Variants in KIRREL3 observed in about 807,000 individuals in gnomAD.
The protein encoded by KIRREL3 is kirre like nephrin family adhesion molecule 3.
In KIRREL3, 36 loss-of-function variants were observed where a neutral mutation model predicts 89.7. That is an observed-to-expected ratio of 0.40 (90% CI 0.31 to 0.53). The LOEUF (loss-of-function observed/expected upper bound fraction) is 0.53, where lower values mean the gene tolerates loss of function less well. Among genes scored for constraint, KIRREL3 ranks in the 20% least tolerant of loss-of-function variants. The pLI, the probability that KIRREL3 is intolerant of heterozygous loss-of-function variation, is 0.49. For missense variants in KIRREL3, 864 were observed against 1,056.6 expected (o/e 0.82, Z 2.53); for synonymous variants, 445 against 441.4 (o/e 1.01, Z -0.10).
chr11:126,813,940 G>T (rs540369842), intron 1 of KIRREL3, among the ~76,000 whole-genome samples: 119 of 152,260 alleles, frequency 7.8e-4, no homozygotes, highest in Admixed American at 2.3e-3. Context: ...AAGAGCTTCT[G>T]TACAGCGAAA....
At chr11:126,822,385 G>A (rs991817367) in intron 1 of KIRREL3, among the ~76,000 whole-genome samples, 4 of 152,168 alleles carry the variant, frequency 2.6e-5, no homozygotes, top group Non-Finnish European at 5.9e-5. Context: ...GAGTGCTCTA[G>A]AACTTCTAAT....
intron 1 of KIRREL3, among the ~76,000 whole-genome samples, chr11:126,823,358 A>T (rs867397705): frequency 6.6e-6 from 1 of 152,218 alleles, no homozygotes; most frequent in South Asian, 2.1e-4. Flanking sequence ...TTTGCTTTTC[A>T]TTACAGGCTC....
rs776558177 is a variant in KIRREL3, at chr11:126,455,849, G to A, written c.848+500C>T. On this transcript the variant is annotated intron_variant, in intron 7 of 16. Coordinates refer to ENST00000525144, the MANE Select transcript of KIRREL3 (RefSeq NM_032531.4). The surrounding 1 kb of genome is among the most constrained non-coding windows in gnomAD (Gnocchi z 6.4). ...ACAAACCAACAAACCAAACAGTGGT[G>A]CTTTTATCCGTGTTGTGAGCAAGAG... is the stretch of plus-strand genomic sequence containing the variant. Among the ~76,000 whole-genome samples the A allele has an allele frequency of 2.0e-5, 3 of 151,744 alleles. No homozygotes were observed. Among genetic ancestry groups the A allele is most frequent in the South Asian group, 2.1e-4 (1 of 4,812 alleles).
At chr11:126,895,172 CAAG>C (rs1229297342) in intron 1 of KIRREL3, among the ~76,000 whole-genome samples, 3 of 152,026 alleles carry the variant, frequency 2.0e-5, no homozygotes, top group Non-Finnish European at 4.4e-5. Context: ...CTTGTGAAAG[CAAG>C]AAGAAGGCCG....
At chr11:126,499,915 A>T (rs993679566) in intron 4 of KIRREL3, among the ~76,000 whole-genome samples, 1 of 152,174 alleles carries the variant, frequency 6.6e-6, no homozygotes, top group African/African-American at 2.4e-5. Context: ...CTTTGGCAGT[A>T]AACTCCTTGA....
Position 126,668,693 on chromosome 11 carries a change from T to TTTTCTTTCTTTCTTTC in KIRREL3, c.56-105797_56-105782dup, listed in dbSNP as rs57753203. 2.2e-3 allele frequency among the ~76,000 whole-genome samples: 278 copies of TTTTCTTTCTTTCTTTC among 126,710 alleles called. 6 individuals carry two copies. The highest frequency in any genetic ancestry group is 0.012 in the Middle Eastern group (3 of 260). The allele number at this position is 126,710 out of a possible 152,430, so 83.1% of individuals were successfully genotyped here. On this transcript the variant is annotated intron_variant, in intron 1 of 16. Coordinates refer to ENST00000525144, the MANE Select transcript of KIRREL3 (RefSeq NM_032531.4). The surrounding 1 kb of genome is among the most constrained non-coding windows in gnomAD (Gnocchi z 4.4). Reference sequence around the variant, plus strand: ...TAAAGAGCTGTTGGGAAGTTTCTGTTTTTCTTTCTTTCTTTCTTTCTTTCT... The same window carrying TTTTCTTTCTTTCTTTC: ...TAAAGAGCTGTTGGGAAGTTTCTGTTTTTCTTTCTTTCTTTCTTTCTTTCTTTCTTTCTTTCTTTCT...
chr11:126,516,806 T>G lies in KIRREL3; in HGVS notation c.433+4509A>C, dbSNP rs1324139228. Among the ~76,000 whole-genome samples the G allele has an allele frequency of 2.0e-5, 3 of 152,136 alleles. No individual in the cohort carries two copies. The highest frequency in any genetic ancestry group is 2.0e-4 in the Admixed American group (3 of 15,276). Reference sequence around the variant, plus strand: ...TCTGCATGTATATGTGTACACAACTTTAAAATACAGGCGGGGTGGCTCACG... The same window carrying G: ...TCTGCATGTATATGTGTACACAACTGTAAAATACAGGCGGGGTGGCTCACG... On this transcript the variant is annotated intron_variant, in intron 4 of 16. Transcript: ENST00000525144. The surrounding 1 kb of genome is among the most constrained non-coding windows in gnomAD (Gnocchi z 4.9).
At chr11:126,440,197 TGGTCA>T in intron 11 of KIRREL3, 1 of 683,630 alleles carries the variant, frequency 1.5e-6, no homozygotes, top group Non-Finnish European at 2.7e-6. Flanking sequence ...ATGCGGAATT[TGGTCA>T]GAGCCGTTCA....
At position 126,575,506 on chromosome 11, in the gene KIRREL3, A is replaced by G. The variant is rs1941209411; in HGVS notation, c.56-12594T>C. 6.6e-6 allele frequency among the ~76,000 whole-genome samples: 1 copy of G among 152,228 alleles called. No individual in the cohort carries two copies. The highest frequency in any genetic ancestry group is 6.5e-5 in the Admixed American group (1 of 15,286). Reference sequence around the variant, plus strand: ...AACCCTGTCTAAATGTATGGAACCAAGGCCGGACACATTGTAAGCCCCTAT... The same window carrying G: ...AACCCTGTCTAAATGTATGGAACCAGGGCCGGACACATTGTAAGCCCCTAT... On this transcript the variant is annotated intron_variant, in intron 1 of 16. Transcript: ENST00000525144. The surrounding 1 kb of genome is among the most constrained non-coding windows in gnomAD (Gnocchi z 7.0).
intron 1 of KIRREL3, among the ~76,000 whole-genome samples, chr11:126,851,325 A>C (rs769740716): frequency 2.6e-5 from 4 of 152,176 alleles, no homozygotes; most frequent in Non-Finnish European, 5.9e-5. Context: ...CTTGTACACT[A>C]CTGGTCCTGA....
At chr11:126,799,600 C>G (rs1167167033) in intron 1 of KIRREL3, among the ~76,000 whole-genome samples, 3 of 139,658 alleles carry the variant, frequency 2.1e-5, no homozygotes, top group Non-Finnish European at 4.7e-5. Context: ...CCGTGTGGAA[C>G]TCATCATTCT....
At chr11:126,767,941 T>C (rs886922746) in intron 1 of KIRREL3, among the ~76,000 whole-genome samples, 10 of 152,242 alleles carry the variant, frequency 6.6e-5, no homozygotes, top group Non-Finnish European at 1.2e-4. Flanking sequence ...CTGGTAGGAA[T>C]GACAATTTCT....
chr11:126,661,634 TGA>T (rs886510869), intron 1 of KIRREL3, among the ~76,000 whole-genome samples: 32 of 152,196 alleles, frequency 2.1e-4, no homozygotes, highest in African/African-American at 7.7e-4. Flanking sequence ...GATGGATTTC[TGA>T]GGACAGCTGT....
At chr11:126,800,092 A>G (rs1398963187) in intron 1 of KIRREL3, among the ~76,000 whole-genome samples, 1 of 152,236 alleles carries the variant, frequency 6.6e-6, no homozygotes, top group Non-Finnish European at 1.5e-5. Context: ...ACCTCTAACC[A>G]GATCTCCAGG....
rs1956598529 is a variant in KIRREL3 at position 126,463,042 on chromosome 11, A to G, written c.742+115T>C. The G allele has an allele frequency of 1.0e-6, 1 of 1,001,224 alleles. No homozygotes were observed. The highest frequency in any genetic ancestry group is 2.3e-5 in the Admixed American group (1 of 43,112). The allele number at this position is 1,001,224 out of a possible 1,614,324, so 62.0% of individuals were successfully genotyped here. A position where few individuals can be genotyped will look rare whatever the true frequency, so the allele number is the denominator to read the frequency against. ...TCCGTATCTACAAGCTGGCCAATCC[A>G]CAGAGCTGCCTGACCCATTTCCTGC... is the stretch of plus-strand genomic sequence containing the variant. On this transcript the variant is annotated intron_variant, in intron 6 of 16. Coordinates refer to ENST00000525144, the MANE Select transcript of KIRREL3 (RefSeq NM_032531.4). The surrounding 1 kb of genome is among the most constrained non-coding windows in gnomAD (Gnocchi z 5.9).
chr11:126,616,443 T>A (rs1187524685), intron 1 of KIRREL3, among the ~76,000 whole-genome samples: 1 of 121,408 alleles, frequency 8.2e-6, no homozygotes, highest in African/African-American at 3.1e-5. Context: ...TTAGCCTGGT[T>A]GGGCATAGAG....
chr11:126,454,591 C>G lies in KIRREL3; in HGVS notation c.848+1758G>C, dbSNP rs572497198. On this transcript the variant is annotated intron_variant, in intron 7 of 16. Coordinates refer to ENST00000525144, the MANE Select transcript of KIRREL3 (RefSeq NM_032531.4). This position sits in a 1 kb window ranked among gnomAD's most constrained non-coding sequence, Gnocchi z 5.8. ...CCAGGAGCAGAGACCTGGGAGCAGA[C>G]AGAGGAGAGAAGCTGAACTTGTATG... Among the ~76,000 whole-genome samples the G allele has an allele frequency of 1.8e-4, 28 of 152,170 alleles. No individual in the cohort carries two copies. The highest frequency in any genetic ancestry group is 1.2e-3 in the Admixed American group (18 of 15,290).
chr11:126,604,558 C>T (rs1420407020), intron 1 of KIRREL3, among the ~76,000 whole-genome samples: 3 of 152,230 alleles, frequency 2.0e-5, no homozygotes, highest in African/African-American at 7.2e-5. Flanking sequence ...TACAGTCCTT[C>T]TTGGCCACTC....
intron 11 of KIRREL3, among the ~76,000 whole-genome samples, chr11:126,438,846 C>T (rs972662220): frequency 1.1e-4 from 17 of 152,200 alleles, no homozygotes; most frequent in Non-Finnish European, 1.9e-4. Flanking sequence ...TCAGTTGGTG[C>T]AGCCTGGGTG....
Sources: gnomAD v4.1 joint callset for allele counts (sites outside exome capture counted in the v4.1 genomes callset) on GRCh38, gnomAD v4.1.1 for gene constraint, Gnocchi (gnomAD v3.1) non-coding constraint, MANE v1.5 for transcripts, NCBI Gene and HGNC (gene_info 2026-07-23, HGNC 2026-07-21) for gene names.